Variants in OSBPL8 observed in about 807,000 individuals in gnomAD.
OSBPL8 encodes oxysterol binding protein like 8.
Under a neutral mutation model 125.5 loss-of-function variants are expected in OSBPL8, and 59 were observed. The observed-to-expected ratio is 0.47, with a 90% CI of 0.38 to 0.58. The LOEUF (loss-of-function observed/expected upper bound fraction) is 0.58. Ranked by LOEUF, OSBPL8 falls within the 20% of genes least tolerant of loss-of-function variation. The probability of loss-of-function intolerance (pLI) is 0.00; values close to 1 mark genes in which losing one functional copy is unlikely to be tolerated. For missense variants in OSBPL8, 758 were observed against 1,047.8 expected, an observed-to-expected ratio of 0.72 and a Z score of 3.82; for synonymous variants, 330 against 338.9, an observed-to-expected ratio of 0.97 and a Z score of 0.29.
intron 4 of OSBPL8, among the ~76,000 whole-genome samples, chr12:76,449,644 T>C (rs895851346): frequency 6.6e-6 from 1 of 152,328 alleles, no homozygotes; most frequent in East Asian, 1.9e-4. Flanking sequence ...CTTGAACCTT[T>C]AGTACGTAAG....
chr12:76,523,465 T>C (rs1950078196), intron 1 of OSBPL8, among the ~76,000 whole-genome samples: 1 of 152,216 alleles, frequency 6.6e-6, no homozygotes, highest in Non-Finnish European at 1.5e-5. Flanking sequence ...AACTTGAATA[T>C]TTATGTCCTC....
rs1951845749 is a variant in OSBPL8 at position 76,352,157 on chromosome 12, T to A, written c.*3732A>T. On this transcript the variant is annotated 3_prime_UTR_variant, in exon 24 of 24. Coordinates refer to ENST00000261183, the MANE Select transcript of OSBPL8 (RefSeq NM_020841.5). Reference sequence around the variant, plus strand: ...GAAAAAAATTTCAACTGAAGTTCTGTGGCTCATCAGTTCAAATGTTTCATG... The same window carrying A: ...GAAAAAAATTTCAACTGAAGTTCTGAGGCTCATCAGTTCAAATGTTTCATG... The A allele has an allele frequency of 6.6e-6, 1 of 152,646 alleles. No individual in the cohort carries two copies. The highest frequency in any genetic ancestry group is 2.4e-5 in the African/African-American group (1 of 41,466). The allele number at this position is 152,646 out of a possible 1,614,324, so 9.5% of individuals were successfully genotyped here. A position where few individuals can be genotyped will look rare whatever the true frequency, so the allele number is the denominator to read the frequency against.
chr12:76,557,734 G>C (rs542613335), intron 1 of OSBPL8, among the ~76,000 whole-genome samples: 1 of 151,828 alleles, frequency 6.6e-6, no homozygotes, highest in East Asian at 1.9e-4. Context: ...TATCCCCAAA[G>C]TGTTTTCTAA....
At chr12:76,452,490 G>C (rs1369194855) in intron 3 of OSBPL8, among the ~76,000 whole-genome samples, 1 of 151,860 alleles carries the variant, frequency 6.6e-6, no homozygotes, top group Non-Finnish European at 1.5e-5. Flanking sequence ...TTTTGATTCT[G>C]CTCATCCTTC....
intron 1 of OSBPL8, among the ~76,000 whole-genome samples, chr12:76,537,554 T>C (rs1355063057): frequency 6.6e-6 from 1 of 152,154 alleles, no homozygotes; most frequent in Non-Finnish European, 1.5e-5. Flanking sequence ...TTAAGTTCTC[T>C]GAATGAGAGA....
intron 2 of OSBPL8, among the ~76,000 whole-genome samples, chr12:76,470,270 G>T (rs185092969): frequency 6.6e-6 from 1 of 152,260 alleles, no homozygotes. Context: ...CCCACTAAAA[G>T]AATTAAAGCT....
intron 15 of OSBPL8, among the ~76,000 whole-genome samples, chr12:76,383,679 T>C (rs1453683349): frequency 2.6e-5 from 4 of 152,234 alleles, no homozygotes; most frequent in African/African-American, 4.8e-5. Flanking sequence ...TTTAAAACTA[T>C]ATAAAAGCAT....
At chr12:76,513,601 G>A (rs973933587) in intron 1 of OSBPL8, among the ~76,000 whole-genome samples, 1 of 151,750 alleles carries the variant, frequency 6.6e-6, no homozygotes, top group Non-Finnish European at 1.5e-5. Flanking sequence ...ATAAATCTGG[G>A]TGCTCCTGTG....
rs185909319 is a variant in OSBPL8, at chr12:76,354,358, G to C, written c.*1531C>G. 251 of 151,866 alleles carry C rather than the reference G, an allele frequency of 1.7e-3. No individual in the cohort carries two copies. Among genetic ancestry groups the C allele is most frequent in the African/African-American group, 5.8e-3 (239 of 41,512 alleles). The allele number at this position is 151,866 out of a possible 1,614,324, so 9.4% of individuals were successfully genotyped here. The stretch of plus-strand genomic sequence containing the variant: ...ATACTTAAGATAGCTATATTGGTTA[G>C]GGAAAAAAGCAGGCTCTTTTTATCA... On this transcript the variant is annotated 3_prime_UTR_variant, in exon 24 of 24. Transcript: ENST00000261183.
intron 4 of OSBPL8, among the ~76,000 whole-genome samples, chr12:76,449,207 C>T (rs1307989243): frequency 6.6e-6 from 1 of 152,148 alleles, no homozygotes; most frequent in African/African-American, 2.4e-5. Context: ...TATACATTAA[C>T]TTTCAAAACA....
intron 1 of OSBPL8, among the ~76,000 whole-genome samples, chr12:76,521,595 A>G (rs1349907307): frequency 6.6e-6 from 1 of 152,228 alleles, no homozygotes; most frequent in African/African-American, 2.4e-5. Flanking sequence ...TATACATACA[A>G]TGGAATATTG....
chr12:76,528,820 C>T (rs1220886009), intron 1 of OSBPL8, among the ~76,000 whole-genome samples: 2 of 152,046 alleles, frequency 1.3e-5, no homozygotes, highest in African/African-American at 4.8e-5. Flanking sequence ...CGCCACTACA[C>T]TGCAGCCTGG....
At position 76,507,446 on chromosome 12, in the gene OSBPL8, A is replaced by G. The variant is rs1038097384; in HGVS notation, c.-67-19828T>C. On this transcript the variant is annotated intron_variant, in intron 1 of 23. Transcript: ENST00000261183. The stretch of plus-strand genomic sequence containing the variant: ...TGGCAACAAGTTTTATATGATAAAT[A>G]TGTGACTTCCTATCTCCCAGGATGT... Among the ~76,000 whole-genome samples the G allele has an allele frequency of 6.6e-5, 10 of 151,886 alleles. 2 individuals are homozygous for G. The highest frequency in any genetic ancestry group is 2.4e-4 in the African/African-American group (10 of 41,144).
At chr12:76,358,567 T>A in intron 22 of OSBPL8, 139 bp downstream of exon 22, 1 of 664,038 alleles carries the variant, frequency 1.5e-6, no homozygotes, top group South Asian at 1.9e-5. Context: ...TTATCTATGA[T>A]CTAGAATTGC....
At chr12:76,493,307 C>T (rs1053542546) in intron 1 of OSBPL8, among the ~76,000 whole-genome samples, 3 of 152,138 alleles carry the variant, frequency 2.0e-5, no homozygotes, top group East Asian at 1.9e-4. Context: ...TCAATGACAG[C>T]GTTTTACTGG....
intron 8 of OSBPL8, among the ~76,000 whole-genome samples, chr12:76,396,328 G>A (rs942662793): frequency 2.0e-5 from 3 of 151,864 alleles, no homozygotes; most frequent in South Asian, 4.1e-4. Flanking sequence ...TACCCTCCCC[G>A]CCCAAGAAAA....
chr12:76,517,249 G>T (rs1299376054), intron 1 of OSBPL8, among the ~76,000 whole-genome samples: 1 of 152,100 alleles, frequency 6.6e-6, no homozygotes, highest in African/African-American at 2.4e-5. Flanking sequence ...TCATTCTATA[G>T]CAAAAATAAA....
chr12:76,402,869 A>G (rs1954109085), intron 5 of OSBPL8, 103 bp from the exon 6 acceptor site: 1 of 760,616 alleles, frequency 1.3e-6, no homozygotes, highest in African/African-American at 1.8e-5. Flanking sequence ...ATTTATTGCT[A>G]TGATTTAAGC....
intron 21 of OSBPL8, among the ~76,000 whole-genome samples, chr12:76,359,844 C>T (rs1952131678): frequency 1.3e-5 from 2 of 152,066 alleles, no homozygotes; most frequent in South Asian, 4.2e-4. Flanking sequence ...CCACTAAGTC[C>T]CTCCCACAAC....
Sources: allele counts gnomAD v4.1 joint callset (sites outside exome capture counted in the v4.1 genomes callset), GRCh38; gene constraint gnomAD v4.1.1; transcripts MANE v1.5; gene names NCBI Gene and HGNC (gene_info 2026-07-23, HGNC 2026-07-21).